The following CLINT1 variants were observed in gnomAD, a reference collection of about 807,000 sequenced individuals.
The protein encoded by CLINT1 is clathrin interacting protein localized in the trans-Golgi region.
A neutral mutation model predicts 70.4 loss-of-function variants in CLINT1; 15 were observed. The observed-to-expected ratio is 0.21, with a 90% CI of 0.14 to 0.33. The LOEUF (loss-of-function observed/expected upper bound fraction) is 0.33, where lower values mean the gene tolerates loss of function less well. CLINT1 is among the 10% of genes least tolerant of loss of function. The probability of loss-of-function intolerance (pLI) is 1.00; values close to 1 mark genes in which losing one functional copy is unlikely to be tolerated. For synonymous variants in CLINT1, 227 were observed against 254.7 expected, an observed-to-expected ratio of 0.89 and a Z score of 1.04; for missense variants, 615 against 778.1, an observed-to-expected ratio of 0.79 and a Z score of 2.49.
chr5:157,846,395 A>G (rs901859646), intron 1 of CLINT1, among the ~76,000 whole-genome samples: 4 of 152,252 alleles, frequency 2.6e-5, no homozygotes, highest in African/African-American at 9.6e-5. Flanking sequence ...CATTCCCTTA[A>G]GCCAAAGCCT....
At chr5:157,840,829 G>A (rs1438856381) in intron 1 of CLINT1, among the ~76,000 whole-genome samples, 1 of 152,040 alleles carries the variant, frequency 6.6e-6, no homozygotes, top group Admixed American at 6.6e-5. Context: ...TTGAGCCCAG[G>A]AGTTCGGAGT....
chr5:157,797,168 G>C (rs910606919), intron 8 of CLINT1, among the ~76,000 whole-genome samples: 12 of 152,244 alleles, frequency 7.9e-5, no homozygotes, highest in Admixed American at 1.3e-4. Context: ...AACAGCTGCT[G>C]CTTAATATTC....
chr5:157,837,649 C>CCTTTTTTTT (rs1763471897), intron 1 of CLINT1, among the ~76,000 whole-genome samples: 1 of 138,554 alleles, frequency 7.2e-6, no homozygotes, highest in African/African-American at 2.8e-5. Context: ...AGCTCTTTTA[C>CCTTTTTTTT]TTTTTTTTTT....
At chr5:157,801,321 A>G (rs1427093214) in intron 8 of CLINT1, among the ~76,000 whole-genome samples, 2 of 151,762 alleles carry the variant, frequency 1.3e-5, no homozygotes, top group African/African-American at 4.8e-5. Flanking sequence ...AAGCTGGCCA[A>G]CATGGAGAAA....
intron 1 of CLINT1, among the ~76,000 whole-genome samples, chr5:157,822,746 T>C (rs1317222453): frequency 6.6e-6 from 1 of 152,222 alleles, no homozygotes; most frequent in Non-Finnish European, 1.5e-5. Flanking sequence ...GATTAAAAGC[T>C]AAAATGAGGC....
intron 1 of CLINT1, among the ~76,000 whole-genome samples, chr5:157,832,685 A>T (rs1247637042): frequency 6.6e-6 from 1 of 152,196 alleles, no homozygotes; most frequent in East Asian, 1.9e-4. Flanking sequence ...CTTTCCCTCA[A>T]ACATTTTCCT....
intron 1 of CLINT1, among the ~76,000 whole-genome samples, chr5:157,818,467 TAAAA>T (rs929415179): frequency 1.1e-5 from 1 of 88,334 alleles, no homozygotes; most frequent in Non-Finnish European, 2.2e-5. Context: ...ACCTGGTCTC[TAAAA>T]AAAAAAAAAA....
chr5:157,798,877 C>G (rs1762136833), intron 8 of CLINT1, among the ~76,000 whole-genome samples: 1 of 151,714 alleles, frequency 6.6e-6, no homozygotes, highest in African/African-American at 2.4e-5. Context: ...ATATAGCCAC[C>G]CAATGTAAGA....
intron 1 of CLINT1, among the ~76,000 whole-genome samples, chr5:157,822,601 A>G (rs1762911872): frequency 6.6e-6 from 1 of 152,174 alleles, no homozygotes; most frequent in Admixed American, 6.5e-5. Context: ...TCAACTATTC[A>G]GTTTGTAAAT....
intron 1 of CLINT1, among the ~76,000 whole-genome samples, chr5:157,827,054 C>A (rs535919431): frequency 9.9e-5 from 15 of 152,112 alleles, no homozygotes; most frequent in Non-Finnish European, 1.9e-4. Context: ...GCAAAATTAA[C>A]CAGACTCACA....
chr5:157,798,345 CATT>C (rs1242600213), intron 8 of CLINT1, among the ~76,000 whole-genome samples: 1 of 152,156 alleles, frequency 6.6e-6, no homozygotes, highest in African/African-American at 2.4e-5. Context: ...TGAGAACTGT[CATT>C]ATAAATGAAC....
intron 8 of CLINT1, among the ~76,000 whole-genome samples, chr5:157,799,098 A>C (rs1762142900): frequency 6.6e-6 from 1 of 152,170 alleles, no homozygotes. Flanking sequence ...AATATGTAGA[A>C]AATGTATTTT....
At chr5:157,803,529 T>C in intron 8 of CLINT1, 121 bp downstream of exon 8, 1 of 601,092 alleles carries the variant, frequency 1.7e-6, no homozygotes, top group Non-Finnish European at 2.7e-6. Context: ...CAAGACTCAC[T>C]AATTTCATAT....
chr5:157,822,383 C>T (rs935048863), intron 1 of CLINT1, among the ~76,000 whole-genome samples: 2 of 152,148 alleles, frequency 1.3e-5, no homozygotes, highest in African/African-American at 2.4e-5. Context: ...GCTTTTGCCT[C>T]TTCCTCATTT....
Position 157,809,740 on chromosome 5 carries a change from A to G in CLINT1, c.583T>C (p.Phe195Leu). The G allele has an allele frequency of 6.2e-7, 1 of 1,613,570 alleles. No individual in the cohort carries two copies. Among genetic ancestry groups the G allele is most frequent in the Non-Finnish European group, 8.5e-7 (1 of 1,179,670 alleles). Reference sequence around the variant, plus strand: ...TCACCTAATTTATCACTGAATGGAAAAGCACTCTTGTTTTTATCCCACTCC... The same window carrying G: ...TCACCTAATTTATCACTGAATGGAAGAGCACTCTTGTTTTTATCCCACTCC... ...DEEWDKNKSA[F>L]PFSDKLGELS... is the part of the protein sequence containing the mutation. Residue 195 changes from phenylalanine to leucine, a missense_variant, in exon 6 of 12, where the codon TTT (phenylalanine) becomes CTT (leucine). Transcript: ENST00000411809.
chr5:157,857,399 T>A (rs1370072489), intron 1 of CLINT1, among the ~76,000 whole-genome samples: 2 of 152,160 alleles, frequency 1.3e-5, no homozygotes, highest in African/African-American at 4.8e-5. Flanking sequence ...TATAAATAGC[T>A]AAATAGTCCG....
chr5:157,843,374 A>AT (rs1753257415), intron 1 of CLINT1, among the ~76,000 whole-genome samples: 1 of 152,242 alleles, frequency 6.6e-6, no homozygotes, highest in Non-Finnish European at 1.5e-5. Context: ...ACTGCTTGAC[A>AT]TACCAACATG....
intron 1 of CLINT1, among the ~76,000 whole-genome samples, chr5:157,829,928 T>C (rs936867545): frequency 3.3e-5 from 5 of 152,080 alleles, no homozygotes; most frequent in African/African-American, 1.2e-4. Flanking sequence ...CATTTTGGTA[T>C]ATGCTATTCT....
At chr5:157,817,763 G>A (rs1762765556) in intron 1 of CLINT1, among the ~76,000 whole-genome samples, 1 of 152,046 alleles carries the variant, frequency 6.6e-6, no homozygotes, top group African/African-American at 2.4e-5. Context: ...TAGCCTTCAA[G>A]AATACAGATG....
Sources: allele counts gnomAD v4.1 joint callset (sites outside exome capture counted in the v4.1 genomes callset), GRCh38; gene constraint gnomAD v4.1.1; transcripts MANE v1.5; gene names NCBI Gene and HGNC (gene_info 2026-07-23, HGNC 2026-07-21).